PKP1: variants seen among roughly 807,000 people sequenced by gnomAD.
PKP1 encodes the protein plakophilin 1, also known as plakophilin-1.
Under a neutral mutation model 76.4 loss-of-function variants are expected in PKP1, and 27 were observed. The ratio of observed to expected loss-of-function variants is 0.35; its 90% CI spans 0.26 to 0.49. The LOEUF (loss-of-function observed/expected upper bound fraction) is 0.49, where lower values mean the gene tolerates loss of function less well. PKP1 is among the 20% of genes least tolerant of loss of function. The pLI, the probability that PKP1 is intolerant of heterozygous loss-of-function variation, is 0.99. For synonymous variants in PKP1, 404 were observed against 384.2 expected, an observed-to-expected ratio of 1.05 and a Z score of -0.60; for missense variants, 964 against 955.2, an observed-to-expected ratio of 1.01 and a Z score of -0.12.
At chr1:201,314,663 C>A (rs1656671865) in intron 3 of PKP1, among the ~76,000 whole-genome samples, 1 of 152,214 alleles carries the variant, frequency 6.6e-6, no homozygotes, top group African/African-American at 2.4e-5. Flanking sequence ...CTGAGCCTGC[C>A]CTTCAGGGCT....
rs977636916 is a variant in PKP1, at chr1:201,284,081, G to A, written c.202+177G>A. ...CGAGCTCCCAGCCGGTTCTGAGCTG[G>A]TGTAAACGCGACCCGAGGCTGGCTC... On this transcript the variant is annotated intron_variant, in intron 1 of 13. Coordinates refer to ENST00000367324, the MANE Select transcript of PKP1 (RefSeq NM_001005337.3). Among the ~76,000 whole-genome samples the A allele has an allele frequency of 7.2e-5, 11 of 152,330 alleles. 1 individual carries two copies. In the East Asian group the frequency reaches 2.1e-3, roughly 29 times the overall value.
chr1:201,322,205 C>T lies in PKP1; in HGVS notation c.1503+72C>T, dbSNP rs560305316. 1.4e-5 allele frequency: 22 copies of T among 1,539,186 alleles called. No individual in the cohort carries two copies. The South Asian group carries it at 2.4e-4, about 17-fold the overall frequency. On this transcript the variant is annotated intron_variant, in intron 8 of 13. Coordinates refer to ENST00000367324, the MANE Select transcript of PKP1 (RefSeq NM_001005337.3). The stretch of plus-strand genomic sequence containing the variant: ...CCCAGGAGCCACTGCCTCATCTGCC[C>T]TTTCCTCTGGGCCCTCCTGGAGCCT...
At chr1:201,326,735 C>G (rs1003175119) in intron 12 of PKP1, among the ~76,000 whole-genome samples, 7 of 152,190 alleles carry the variant, frequency 4.6e-5, no homozygotes, top group Non-Finnish European at 8.8e-5. Flanking sequence ...AGCTACCATA[C>G]AGAGTGGAGC....
chr1:201,290,651 C>T (rs937330835), intron 1 of PKP1, among the ~76,000 whole-genome samples: 3 of 152,140 alleles, frequency 2.0e-5, no homozygotes, highest in African/African-American at 7.2e-5. Context: ...CATCAGAGCA[C>T]GTTCACCACA....
chr1:201,322,945 A>G (rs1656992589), intron 8 of PKP1, 68 bp from the exon 9 acceptor site: 6 of 1,517,798 alleles, frequency 4.0e-6, no homozygotes, highest in Non-Finnish European at 5.4e-6. Flanking sequence ...GGATGGGGAC[A>G]GAATGCCTGG....
chr1:201,328,886 C>G lies in PKP1; in HGVS notation c.*32+18C>G. 1.4e-6 allele frequency: 2 copies of G among 1,443,470 alleles called. No individual in the cohort carries two copies. Among genetic ancestry groups the G allele is most frequent in the Non-Finnish European group, 2.0e-6 (2 of 1,024,254 alleles). 89.4% of individuals were successfully genotyped at this position (1,443,470 alleles called of 1,614,324 possible). The stretch of plus-strand genomic sequence containing the variant: ...GCTTGCAGGTAAGAATCACCCCACC[C>G]TCAGGGATGCCTCTGGGACCACTGC... On this transcript the variant is annotated intron_variant, in intron 13 of 13. Coordinates refer to ENST00000367324, the MANE Select transcript of PKP1 (RefSeq NM_001005337.3).
In PKP1 at chr1:201,283,687, C is replaced by A; in HGVS notation, c.-16C>A. ...TCTCCTAGGCCCCGGCCGCGCGCCACCCGCCTCCCGCCACCATGAACCACT... is the reference window on the plus strand; with the variant it reads ...TCTCCTAGGCCCCGGCCGCGCGCCAACCGCCTCCCGCCACCATGAACCACT... On this transcript the variant is annotated 5_prime_UTR_variant, in exon 1 of 14. Coordinates refer to ENST00000367324, the MANE Select transcript of PKP1 (RefSeq NM_001005337.3). 1.2e-6 allele frequency: 2 copies of A among 1,611,056 alleles called. No individual in the cohort carries two copies. Among genetic ancestry groups the A allele is most frequent in the Non-Finnish European group, 1.7e-6 (2 of 1,178,492 alleles).
chr1:201,299,513 A>T (rs1477924738), intron 2 of PKP1, among the ~76,000 whole-genome samples: 1 of 152,176 alleles, frequency 6.6e-6, no homozygotes, highest in Non-Finnish European at 1.5e-5. Flanking sequence ...GGACTCACTT[A>T]GGGTTGCATG....
At chr1:201,292,870 G>A (rs1655960764) in intron 1 of PKP1, among the ~76,000 whole-genome samples, 1 of 152,236 alleles carries the variant, frequency 6.6e-6, no homozygotes. Flanking sequence ...TCTTCGTGGA[G>A]CTCCCAGTAT....
In PKP1 at chr1:201,316,542, ATTC is replaced by A. The variant is rs1558191919; in HGVS notation, c.702-7_702-5del. 6.3e-7 allele frequency: 1 copy of A among 1,599,778 alleles called. No homozygotes were observed. Among genetic ancestry groups the A allele is most frequent in the African/African-American group, 1.3e-5 (1 of 74,794 alleles). The stretch of plus-strand genomic sequence containing the variant: ...CACCCCGTAACCACCCCCACTGCCT[ATTC>A]TTCACAGGATCTGCAGTGAGGACAT... On this transcript the variant is annotated splice_polypyrimidine_tract_variant and splice_region_variant and intron_variant, in intron 3 of 13. Coordinates refer to ENST00000367324, the MANE Select transcript of PKP1 (RefSeq NM_001005337.3).
At chr1:201,311,232 C>T (rs1405241364) in intron 2 of PKP1, among the ~76,000 whole-genome samples, 1 of 152,224 alleles carries the variant, frequency 6.6e-6, no homozygotes, top group Non-Finnish European at 1.5e-5. Context: ...TAAAGGCTTT[C>T]ATGGCATATT....
rs1048471880 is a variant in PKP1, at chr1:201,316,577, C to T, written c.726C>T (p.Cys242=). ...SSKICSEDIE[C]SGLTIPKAVQ... is the part of the protein sequence containing the mutation. ...GGATCTGCAGTGAGGACATCGAGTG[C>T]AGTGGGCTGACCATCCCCAAGGCTG... is the stretch of plus-strand genomic sequence containing the variant. Residue 242 remains cysteine (C), a synonymous_variant, in exon 4 of 14, where the codon TGC becomes TGT. Transcript: ENST00000367324. 4.3e-6 allele frequency: 7 copies of T among 1,610,498 alleles called. No individual in the cohort carries two copies. The East Asian group carries it at 1.1e-4, about 26-fold the overall frequency.
chr1:201,313,791 G>A (rs1315580492), intron 3 of PKP1, among the ~76,000 whole-genome samples: 1 of 152,240 alleles, frequency 6.6e-6, no homozygotes, highest in Non-Finnish European at 1.5e-5. Context: ...CATTGACTGT[G>A]TAGGTTTTAA....
chr1:201,298,058 G>A (rs1656125143), intron 2 of PKP1, among the ~76,000 whole-genome samples: 2 of 146,632 alleles, frequency 1.4e-5, no homozygotes, highest in South Asian at 4.2e-4. Context: ...CTGTCACTAT[G>A]TCTCCCCACT....
In PKP1 at chr1:201,325,721, C is replaced by T. The variant is rs568468440; in HGVS notation, c.2022-33C>T. 2.7e-5 allele frequency: 42 copies of T among 1,542,500 alleles called. No homozygotes were observed. The South Asian group carries it at 2.9e-4, about 11-fold the overall frequency. Reference sequence around the variant, plus strand: ...TGCTCCTTCTCACACCTCCTGGAATCTCATCTCACAAATGCACTTCTCACC... The same window carrying T: ...TGCTCCTTCTCACACCTCCTGGAATTTCATCTCACAAATGCACTTCTCACC... On this transcript the variant is annotated intron_variant, in intron 11 of 13. Coordinates refer to ENST00000367324, the MANE Select transcript of PKP1 (RefSeq NM_001005337.3).
intron 5 of PKP1, among the ~76,000 whole-genome samples, chr1:201,318,175 G>T (rs201087817): frequency 8.5e-5 from 13 of 152,150 alleles, no homozygotes; most frequent in Admixed American, 2.6e-4. Context: ...CACTCAAGGT[G>T]GGGGGCACAA....
chr1:201,291,577 GA>G (rs1041434786), intron 1 of PKP1, among the ~76,000 whole-genome samples: 1 of 152,212 alleles, frequency 6.6e-6, no homozygotes, highest in African/African-American at 2.4e-5. Context: ...AGACGGGCAA[GA>G]AGGCCCTGGT....
intron 2 of PKP1, among the ~76,000 whole-genome samples, chr1:201,310,361 C>A (rs1656510410): frequency 6.6e-6 from 1 of 152,212 alleles, no homozygotes; most frequent in Admixed American, 6.5e-5. Flanking sequence ...AGTAATTGCC[C>A]AAGGCCACCC....
chr1:201,311,578 A>G lies in PKP1; in HGVS notation c.307-1588A>G, dbSNP rs544310768. On this transcript the variant is annotated intron_variant, in intron 2 of 13. Transcript: ENST00000367324. ...TTTCCTGCTGTCTGTGACTCCCTGC[A>G]GAGATGAAAAAGGACCAAGTCGAGT... Among the ~76,000 whole-genome samples, 60 of 152,304 alleles carry G rather than the reference A, an allele frequency of 3.9e-4. 1 individual carries two copies. The highest frequency in any genetic ancestry group is 7.1e-4 in the Non-Finnish European group (48 of 68,022).
Sources: allele counts gnomAD v4.1 joint callset (sites outside exome capture counted in the v4.1 genomes callset), GRCh38; gene constraint gnomAD v4.1.1; transcripts MANE v1.5; gene names NCBI Gene and HGNC (gene_info 2026-07-23, HGNC 2026-07-21).